Variants in RUSF1 observed in about 807,000 individuals in gnomAD.
The protein encoded by RUSF1 is RUS1 family protein C16orf58.
RUSF1 carries 58 observed loss-of-function variants against 63.0 expected under a neutral mutation model. The ratio of observed to expected loss-of-function variants is 0.92; its 90% CI spans 0.75 to 1.15. The LOEUF is 1.15. Among genes scored for constraint, RUSF1 ranks in the 50% most tolerant of loss-of-function variants. The pLI, the probability that RUSF1 is intolerant of heterozygous loss-of-function variation, is 0.00. For missense variants in RUSF1, 652 were observed against 611.0 expected, an observed-to-expected ratio of 1.07 and a Z score of -0.71; for synonymous variants, 274 against 255.8, an observed-to-expected ratio of 1.07 and a Z score of -0.68.
At position 31,508,272 on chromosome 16, in the gene RUSF1, C is replaced by A. The variant is rs770839611; in HGVS notation, c.102G>T (p.Trp34Cys). The part of the protein sequence containing the change: ...CRAAADGSLQ[W>C]EVGGWRWWGL... ...CCCACCAGCGCCAGCCCCCGACCTC[C>A]CACTGCAGGCTCCCGTCCGCGGCGG... The change falls in exon 1 of 13, where the codon TGG becomes TGT. Residue 34 changes from tryptophan (W) to cysteine (C), a missense_variant. Physicochemically the swap from Trp to Cys is radical, Grantham distance 215. Transcript: ENST00000327237. The A allele has an allele frequency of 6.4e-7, 1 of 1,570,780 alleles. No individual in the cohort carries two copies. Among genetic ancestry groups the A allele is most frequent in the Non-Finnish European group, 8.6e-7 (1 of 1,158,536 alleles).
At chr16:31,500,592 C>G (rs541877483) in intron 3 of RUSF1, 94 bp downstream of exon 3, 70 of 1,460,262 alleles carry the variant, frequency 4.8e-5, no homozygotes, top group Admixed American at 2.9e-4. Flanking sequence ...CTCATGGAAC[C>G]CTTACAGCCA....
intron 2 of RUSF1, among the ~76,000 whole-genome samples, chr16:31,505,303 T>C (rs2082653147): frequency 6.6e-6 from 1 of 151,992 alleles, no homozygotes; most frequent in African/African-American, 2.4e-5. Context: ...GCTGACCTTC[T>C]CCCCACTATC....
intron 2 of RUSF1, among the ~76,000 whole-genome samples, 154 bp from the exon 3 acceptor site, chr16:31,500,885 T>G (rs534154976): frequency 6.6e-6 from 1 of 152,280 alleles, no homozygotes; most frequent in East Asian, 1.9e-4. Context: ...AGCTACATAA[T>G]GGGGTCAGAA....
At position 31,495,624 on chromosome 16, in the gene RUSF1, T is replaced by C. The variant is rs1198629583; in HGVS notation, c.702+1225A>G. On this transcript the variant is annotated intron_variant, in intron 6 of 12. Coordinates refer to ENST00000327237, the MANE Select transcript of RUSF1 (RefSeq NM_022744.4). ...GGGACACCAGGCATGGAGCTGGGAGTCCTGCGGTGAGGGACCTGTGCTGTG... is the reference window on the plus strand; with the variant it reads ...GGGACACCAGGCATGGAGCTGGGAGCCCTGCGGTGAGGGACCTGTGCTGTG... 2.0e-5 allele frequency among the ~76,000 whole-genome samples: 3 copies of C among 150,926 alleles called. No homozygotes were observed. In the East Asian group the frequency reaches 5.9e-4, roughly 29 times the overall value.
In RUSF1 at chr16:31,489,720, G is replaced by A; in HGVS notation, c.*1115C>T. The A allele has an allele frequency of 2.2e-6, 1 of 450,666 alleles. No homozygotes were observed. The highest frequency in any genetic ancestry group is 4.1e-6 in the Non-Finnish European group (1 of 242,884). 27.9% of individuals were successfully genotyped at this position (450,666 alleles called of 1,614,324 possible). On this transcript the variant is annotated 3_prime_UTR_variant, in exon 13 of 13. Coordinates refer to ENST00000327237, the MANE Select transcript of RUSF1 (RefSeq NM_022744.4). Reference sequence around the variant, plus strand: ...TGGTGGCAGGGTGGGGTGAGGACAGGACAAGAGATCTGGGTGTGGAAGGAT... The same window carrying A: ...TGGTGGCAGGGTGGGGTGAGGACAGAACAAGAGATCTGGGTGTGGAAGGAT...
chr16:31,508,077 C>A lies in RUSF1; in HGVS notation c.297G>T (p.Val99=), dbSNP rs778416339. 1.2e-6 allele frequency: 2 copies of A among 1,602,176 alleles called. No individual in the cohort carries two copies. Among genetic ancestry groups the A allele is most frequent in the Non-Finnish European group, 1.7e-6 (2 of 1,175,028 alleles). ...TGCCCCAGACGACCGAGCTGACCTG[C>A]ACGGAATCCCACAGCTGGTAGGGCA... ...DYLPYQLWDS[V]QAFASSLSGS... is the part of the protein sequence containing the mutation. Residue 99 remains valine (V), a synonymous_variant, in exon 1 of 13, where the codon GTG becomes GTT. Coordinates refer to ENST00000327237, the MANE Select transcript of RUSF1 (RefSeq NM_022744.4).
chr16:31,494,396 G>A (rs1008468142), intron 6 of RUSF1, among the ~76,000 whole-genome samples: 5 of 151,908 alleles, frequency 3.3e-5, no homozygotes, highest in African/African-American at 4.8e-5. Flanking sequence ...ATGGTGGCGC[G>A]TGCCTCTACT....
chr16:31,507,646 G>T, intron 2 of RUSF1, 118 bp downstream of exon 2: 1 of 931,172 alleles, frequency 1.1e-6, no homozygotes, highest in Non-Finnish European at 1.6e-6. Flanking sequence ...CTAATCACTG[G>T]GGAGACCTGC....
At chr16:31,496,805 T>C in intron 6 of RUSF1, 44 bp downstream of exon 6, 1 of 1,475,848 alleles carries the variant, frequency 6.8e-7, no homozygotes, top group African/African-American at 1.4e-5. Flanking sequence ...TTCTCTCCCC[T>C]TCCCCTCCCC....
chr16:31,491,038 G>A, intron 12 of RUSF1, 106 bp from the exon 13 acceptor site: 1 of 1,031,078 alleles, frequency 9.7e-7, no homozygotes. Context: ...CACTGCCTCT[G>A]CTGGGTGAGT....
intron 2 of RUSF1, among the ~76,000 whole-genome samples, chr16:31,506,886 G>C (rs967590999): frequency 6.6e-5 from 10 of 152,066 alleles, no homozygotes; most frequent in African/African-American, 2.4e-4. Flanking sequence ...ACCGTGCCCG[G>C]CCCAGTTTTC....
chr16:31,498,193 G>A (rs1343755595), intron 5 of RUSF1, among the ~76,000 whole-genome samples: 1 of 152,166 alleles, frequency 6.6e-6, no homozygotes, highest in Non-Finnish European at 1.5e-5. Flanking sequence ...GTTGTGGAGA[G>A]GGGAACTCTA....
Position 31,490,917 on chromosome 16 carries a change from C to T in RUSF1, c.1325G>A (p.Gly442Asp). Residue 442 changes from glycine (G) to aspartate (D), a missense_variant, in exon 13 of 13, where the codon GGC becomes GAC. By Grantham distance (94) the Gly-to-Asp change is moderately conservative (BLOSUM62 -1). Transcript: ENST00000327237. ...TAGCTGGTGCTTCTCGGTCTTCCAG[C>T]CGGCATCCTGCAGTCCTGGGGAGAG... Reference protein sequence around the residue: ...PKFLKGLQDAGWKTEKHQLEV... With the variant: ...PKFLKGLQDADWKTEKHQLEV... The T allele has an allele frequency of 6.2e-7, 1 of 1,614,102 alleles. No individual in the cohort carries two copies. The highest frequency in any genetic ancestry group is 8.5e-7 in the Non-Finnish European group (1 of 1,180,028).
Position 31,493,954 on chromosome 16 carries a change from GAGA to G in RUSF1, c.703-21_703-19del, listed in dbSNP as rs752846045. Reference sequence around the variant, plus strand: ...AGCGTCTCCTGGAAAATGGCAGAGGGAGAAGGAGTTGGAAGGTGCCCCTCCAGG... The same window carrying G: ...AGCGTCTCCTGGAAAATGGCAGAGGGAGGAGTTGGAAGGTGCCCCTCCAGG... On this transcript the variant is annotated intron_variant, in intron 6 of 12. Transcript: ENST00000327237. The G allele has an allele frequency of 1.8e-5, 29 of 1,613,050 alleles. No homozygotes were observed. Among genetic ancestry groups the G allele is most frequent in the African/African-American group, 8.0e-5 (6 of 74,924 alleles).
In RUSF1 at chr16:31,500,696, A is replaced by C; in HGVS notation, c.451T>G (p.Trp151Gly). The change falls in exon 3 of 13, where the codon TGG (tryptophan) becomes GGG (glycine). Residue 151 changes from tryptophan to glycine, a missense_variant. By Grantham distance (184) the Trp-to-Gly change is radical. Transcript: ENST00000327237. ...TGMLGRIVFA[W>G]WKGSKLDCNA... ...GGAAGACAAACTCACCCTTTCCACC[A>C]GGCAAAGACGATGCGGCCCAGCATG... 6.2e-7 allele frequency: 1 copy of C among 1,612,820 alleles called. No individual in the cohort carries two copies.
intron 2 of RUSF1, among the ~76,000 whole-genome samples, chr16:31,503,846 G>C (rs2082644389): frequency 6.6e-6 from 1 of 152,106 alleles, no homozygotes; most frequent in Non-Finnish European, 1.5e-5. Flanking sequence ...ATTATTAGTA[G>C]AGAGGGGGTT....
At chr16:31,492,640 T>G (rs1252801012) in intron 10 of RUSF1, among the ~76,000 whole-genome samples, 1 of 152,210 alleles carries the variant, frequency 6.6e-6, no homozygotes, top group Non-Finnish European at 1.5e-5. Flanking sequence ...ACTCAAGGAC[T>G]TGTTTACCCA....
intron 12 of RUSF1, among the ~76,000 whole-genome samples, chr16:31,491,799 A>G (rs981477056): frequency 2.0e-5 from 3 of 151,916 alleles, no homozygotes; most frequent in Admixed American, 2.0e-4. Flanking sequence ...TTTTGTACAG[A>G]CAAGGATTTG....
intron 2 of RUSF1, among the ~76,000 whole-genome samples, chr16:31,507,139 A>G (rs1411657353): frequency 1.3e-5 from 2 of 152,256 alleles, no homozygotes; most frequent in African/African-American, 2.4e-5. Context: ...GTAGTGAAAG[A>G]CAAAGGACAG....
Sources: allele counts gnomAD v4.1 joint callset (sites outside exome capture counted in the v4.1 genomes callset), GRCh38; gene constraint gnomAD v4.1.1; transcripts MANE v1.5; gene names NCBI Gene and HGNC (gene_info 2026-07-23, HGNC 2026-07-21).